Variants in PRR16 observed in about 807,000 individuals in gnomAD.
PRR16 encodes proline rich 16, also known as protein Largen.
PRR16 carries 6 observed loss-of-function variants against 18.2 expected under a neutral mutation model. That is an observed-to-expected ratio of 0.33 (90% CI 0.18 to 0.65). PRR16 has a LOEUF of 0.65. Ranked by LOEUF, PRR16 falls within the 30% of genes least tolerant of loss-of-function variation. The pLI is 0.74. For missense variants in PRR16, 412 were observed against 376.6 expected (o/e 1.09, Z -0.78); for synonymous variants, 151 against 147.8 (o/e 1.02, Z -0.16).
the PRR16 span, among the ~76,000 whole-genome samples, chr5:120,725,371 A>G: frequency 6.6e-6 from 1 of 151,090 alleles, no homozygotes; most frequent in Non-Finnish European, 1.5e-5. Context: ...CTTCAGTTAA[A>G]TAGGCCAGGT....
the PRR16 span, among the ~76,000 whole-genome samples, chr5:120,746,568 A>T: frequency 1.5e-4 from 23 of 152,174 alleles, no homozygotes; most frequent in Admixed American, 1.3e-4. Flanking sequence ...TTTCACATGA[A>T]ACACTGGATT....
chr5:120,791,250 A>T, the PRR16 span, among the ~76,000 whole-genome samples: 19 of 152,118 alleles, frequency 1.2e-4, no homozygotes. Context: ...TGTCATATTA[A>T]TTCAGAACTA....
At chr5:120,563,710 T>C (rs979763079) in intron 1 of PRR16, among the ~76,000 whole-genome samples, 3 of 152,206 alleles carry the variant, frequency 2.0e-5, no homozygotes, top group Non-Finnish European at 4.4e-5. Context: ...TCCAAATGCC[T>C]GCCTATTGCT....
the PRR16 span, among the ~76,000 whole-genome samples, chr5:120,775,674 A>T: frequency 2.1e-5 from 3 of 143,078 alleles, no homozygotes; most frequent in Admixed American, 2.1e-4. Flanking sequence ...CTTGTTGCCC[A>T]GGCTGGAGTG....
At chr5:120,491,877 T>A (rs1750064168) in intron 1 of PRR16, among the ~76,000 whole-genome samples, 1 of 152,118 alleles carries the variant, frequency 6.6e-6, no homozygotes, top group African/African-American at 2.4e-5. Context: ...ATTGATTTCA[T>A]TTTTTAAAAC....
chr5:120,753,417 T>C, the PRR16 span, among the ~76,000 whole-genome samples: 33 of 152,056 alleles, frequency 2.2e-4, no homozygotes, highest in South Asian at 6.2e-3. Context: ...CAAAAAGAAA[T>C]GTCCCCATTT....
At chr5:120,717,840 A>G in the PRR16 span, among the ~76,000 whole-genome samples, 1 of 152,206 alleles carries the variant, frequency 6.6e-6, no homozygotes, top group South Asian at 2.1e-4. Flanking sequence ...TTTATAAACA[A>G]CTATTGAGGT....
intron 1 of PRR16, among the ~76,000 whole-genome samples, chr5:120,637,440 GGTAT>G (rs1417183221): frequency 6.6e-6 from 1 of 150,890 alleles, no homozygotes; most frequent in African/African-American, 2.4e-5. Flanking sequence ...AAGAAAATAT[GGTAT>G]GTATGTATCA....
the PRR16 span, among the ~76,000 whole-genome samples, chr5:120,720,112 G>A: frequency 1.3e-5 from 2 of 151,928 alleles, no homozygotes; most frequent in Admixed American, 6.6e-5. Flanking sequence ...CTGGTGGCAA[G>A]AGTGAAGTAA....
chr5:120,714,940 A>G, the PRR16 span, among the ~76,000 whole-genome samples: 3 of 152,156 alleles, frequency 2.0e-5, no homozygotes, highest in Non-Finnish European at 4.4e-5. Flanking sequence ...TTGAAAAATG[A>G]GAACACATGG....
intron 1 of PRR16, among the ~76,000 whole-genome samples, chr5:120,502,363 T>C (rs1750490502): frequency 1.5e-5 from 2 of 133,296 alleles, no homozygotes; most frequent in African/African-American, 6.5e-5. Flanking sequence ...ATATATATTT[T>C]ATATATTATA....
the PRR16 span, among the ~76,000 whole-genome samples, chr5:120,754,215 TTATAATA>T: frequency 1.8e-5 from 1 of 56,628 alleles, no homozygotes; most frequent in Non-Finnish European, 3.2e-5. Flanking sequence ...AAATTATATA[TTATAATA>T]TATAATATAA....
chr5:120,505,887 AG>A (rs1404156721), intron 1 of PRR16, among the ~76,000 whole-genome samples: 2 of 150,924 alleles, frequency 1.3e-5, no homozygotes, highest in East Asian at 3.9e-4. Flanking sequence ...TATGTGTATG[AG>A]TAATATGTAT....
intron 1 of PRR16, among the ~76,000 whole-genome samples, chr5:120,489,801 T>C (rs914418917): frequency 1.3e-5 from 2 of 152,204 alleles, no homozygotes; most frequent in Admixed American, 1.3e-4. Context: ...CGGTTGTTCC[T>C]TTCCATGTTT....
At chr5:120,548,661 G>A (rs1322012567) in intron 1 of PRR16, among the ~76,000 whole-genome samples, 1 of 151,264 alleles carries the variant, frequency 6.6e-6, no homozygotes, top group Non-Finnish European at 1.5e-5. Flanking sequence ...TTGTTGTCCT[G>A]GAACTATCTT....
chr5:120,652,044 C>T (rs954184055), intron 1 of PRR16, among the ~76,000 whole-genome samples: 5 of 152,074 alleles, frequency 3.3e-5, no homozygotes, highest in South Asian at 4.1e-4. Flanking sequence ...AGGTCTTTCA[C>T]GTCCCTTGTA....
chr5:120,754,754 G>C, the PRR16 span, among the ~76,000 whole-genome samples: 1 of 147,960 alleles, frequency 6.8e-6, no homozygotes, highest in African/African-American at 2.5e-5. Context: ...AGATGAATAT[G>C]ATATTGATAA....
At chr5:120,738,495 T>C in the PRR16 span, among the ~76,000 whole-genome samples, 1 of 152,164 alleles carries the variant, frequency 6.6e-6, no homozygotes, top group South Asian at 2.1e-4. Context: ...GACGACCCCC[T>C]TCCACTTTGT....
At chr5:120,523,179 C>T (rs1032559465) in intron 1 of PRR16, among the ~76,000 whole-genome samples, 14 of 152,124 alleles carry the variant, frequency 9.2e-5, no homozygotes, top group African/African-American at 2.9e-4. Flanking sequence ...ACTGCTTGTG[C>T]ATTTTTGGAA....
Sources: allele counts gnomAD v4.1 joint callset (sites outside exome capture counted in the v4.1 genomes callset), GRCh38; gene constraint gnomAD v4.1.1; transcripts MANE v1.5; gene names NCBI Gene and HGNC (gene_info 2026-07-23, HGNC 2026-07-21).